TAF1: variants seen among roughly 807,000 people sequenced by gnomAD.
TAF1 encodes the protein TATA-box binding protein associated factor 1, also known as transcription initiation factor TFIID subunit 1.
Under a neutral mutation model 138.5 loss-of-function variants are expected in TAF1, and 2 were observed. That is an observed-to-expected ratio of 0.01 (90% CI 0.01 to 0.05). TAF1 has a LOEUF of 0.05. TAF1 is among the 10% of genes least tolerant of loss of function. TAF1 has a pLI of 1.00. For synonymous variants in TAF1, 437 were observed against 503.2 expected, an observed-to-expected ratio of 0.87 and a Z score of 1.76; for missense variants, 709 against 1,478.0, an observed-to-expected ratio of 0.48 and a Z score of 8.53.
chrX:71,411,945 C>T (rs2035813780), intron 28 of TAF1, among the ~76,000 whole-genome samples: 1 of 111,113 alleles, frequency 9.0e-6, no homozygotes, highest in East Asian at 2.8e-4. Flanking sequence ...TTAGTAGAGA[C>T]GGGGTTTCTC....
At chrX:71,529,632 T>C in intron 14 of TAF1, 1 of 330,343 alleles carries the variant, frequency 3.0e-6, no homozygotes, top group Non-Finnish European at 5.9e-6. Context: ...GTCCAATAAG[T>C]ACAGGCACAT....
intron 3 of TAF1, chrX:71,368,847 CTGTT>C (rs1193113750): frequency 1.1e-5 from 1 of 93,578 alleles, no homozygotes; most frequent in African/African-American, 3.9e-5. Context: ...TATAAAACAA[CTGTT>C]TTTTTTTTTT....
chrX:71,424,299 A>G, intron 32 of TAF1, 61 bp downstream of exon 32: 4 of 1,030,564 alleles, frequency 3.9e-6, no homozygotes, highest in Non-Finnish European at 5.2e-6. Flanking sequence ...ATCTAACATT[A>G]CTTAGCATTA....
chrX:71,400,669 C>T (rs1411592572), intron 24 of TAF1, among the ~76,000 whole-genome samples: 1 of 111,974 alleles, frequency 8.9e-6, no homozygotes, highest in Non-Finnish European at 1.9e-5. Context: ...GTGACCTTAA[C>T]CTCTCCAAAC....
At chrX:71,475,448 G>A (rs1243036832) in intron 13 of TAF1, among the ~76,000 whole-genome samples, 1 of 109,369 alleles carries the variant, frequency 9.1e-6, no homozygotes, top group Non-Finnish European at 1.9e-5. Context: ...AGCCAGGCAT[G>A]GTGGCGGGAG....
intron 29 of TAF1, among the ~76,000 whole-genome samples, 178 bp downstream of exon 29, chrX:71,421,554 G>A (rs1385712912): frequency 9.0e-6 from 1 of 111,532 alleles, no homozygotes; most frequent in African/African-American, 3.3e-5. Flanking sequence ...TTTTGTAGAT[G>A]GAAAAACTGG....
intron 13 of TAF1, among the ~76,000 whole-genome samples, chrX:71,525,661 T>C (rs1446627610): frequency 9.1e-6 from 1 of 110,342 alleles, no homozygotes; most frequent in Non-Finnish European, 1.9e-5. Context: ...AAAAACTATT[T>C]TTTTTTTTTG....
chrX:71,437,511 C>T (rs931031255), intron 32 of TAF1, among the ~76,000 whole-genome samples: 5 of 108,522 alleles, frequency 4.6e-5, no homozygotes, highest in South Asian at 4.0e-4. Flanking sequence ...GAGTTCAAGA[C>T]CAGCCTGGCC....
intron 25 of TAF1, among the ~76,000 whole-genome samples, chrX:71,405,800 A>G (rs2035435131): frequency 9.0e-6 from 1 of 111,545 alleles, no homozygotes; most frequent in African/African-American, 3.3e-5. Flanking sequence ...TGAGCTCAGG[A>G]GTTTGAGACC....
intron 13 of TAF1, among the ~76,000 whole-genome samples, chrX:71,498,401 G>C (rs1602853890): frequency 8.9e-6 from 1 of 111,982 alleles, no homozygotes; most frequent in African/African-American, 3.2e-5. Context: ...CCTCATTGAT[G>C]AATCTAAGAT....
chrX:71,391,242 G>A (rs768940451), intron 18 of TAF1, among the ~76,000 whole-genome samples: 4 of 111,199 alleles, frequency 3.6e-5, no homozygotes, highest in Non-Finnish European at 7.5e-5. Flanking sequence ...GTGTGTAGTT[G>A]GTATTCAATA....
intron 28 of TAF1, among the ~76,000 whole-genome samples, chrX:71,411,237 A>G (rs933318192): frequency 9.1e-6 from 1 of 109,521 alleles, no homozygotes; most frequent in Non-Finnish European, 1.9e-5. Flanking sequence ...GCGCCCCACC[A>G]CGCCTGGCTA....
At chrX:71,493,996 T>C (rs1283273501) in intron 13 of TAF1, among the ~76,000 whole-genome samples, 2 of 111,067 alleles carry the variant, frequency 1.8e-5, no homozygotes, top group Non-Finnish European at 3.8e-5. Flanking sequence ...TTTAGCATTA[T>C]ATGCCCACCG....
intron 13 of TAF1, among the ~76,000 whole-genome samples, chrX:71,471,318 TAAA>T (rs1210578907): frequency 5.8e-4 from 49 of 84,882 alleles, no homozygotes; most frequent in African/African-American, 2.2e-3. Context: ...AGACTCCGTC[TAAA>T]AAAAAAAAAA....
downstream of TAF1, among the ~76,000 whole-genome samples, chrX:71,467,086 C>CTTT (rs756449044): frequency 1.1e-4 from 7 of 65,304 alleles, no homozygotes; most frequent in East Asian, 1.0e-3. Context: ...GGAGGGCATT[C>CTTT]TTTTTTTTTT....
intron 32 of TAF1, among the ~76,000 whole-genome samples, chrX:71,443,588 T>C (rs2037537325): frequency 8.9e-6 from 1 of 112,191 alleles, no homozygotes; most frequent in Non-Finnish European, 1.9e-5. Context: ...TTTCTAGATA[T>C]ACAATCATGT....
At position 71,378,745 on chromosome X, in the gene TAF1, ATCT is replaced by A; in HGVS notation, c.1153-77_1153-75del. ...GGACCACTTACAATGTGTCTGATGT[ATCT>A]TTAATGTGGAATTTGGAGTGGAAAC... On this transcript the variant is annotated intron_variant, in intron 7 of 37. Transcript: ENST00000423759. 2.9e-6 allele frequency: 3 copies of A among 1,023,492 alleles called. No homozygotes were observed. In the East Asian group the frequency reaches 9.1e-5, roughly 31 times the overall value. 84.3% of individuals were successfully genotyped at this position (1,023,492 alleles called of 1,213,427 possible).
chrX:71,496,347 C>T (rs915657255), intron 13 of TAF1, among the ~76,000 whole-genome samples: 3 of 112,398 alleles, frequency 2.7e-5, no homozygotes, highest in Non-Finnish European at 5.6e-5. Flanking sequence ...CTTGTTTACA[C>T]TGACAGTAAG....
intron 13 of TAF1, chrX:71,491,087 A>G (rs1281693324): frequency 2.2e-5 from 2 of 92,691 alleles, no homozygotes; most frequent in East Asian, 6.6e-4. Context: ...CAAGTGAAGC[A>G]GTGAGAGTGG....
Sources: gnomAD v4.1 joint callset for allele counts (sites outside exome capture counted in the v4.1 genomes callset) on GRCh38, gnomAD v4.1.1 for gene constraint, MANE v1.5 for transcripts, NCBI Gene and HGNC (gene_info 2026-07-23, HGNC 2026-07-21) for gene names.